C12orf42: variants seen among roughly 807,000 people sequenced by gnomAD.
The protein encoded by C12orf42 is uncharacterized protein C12orf42.
Under a neutral mutation model 21.6 loss-of-function variants are expected in C12orf42, and 25 were observed. The observed-to-expected ratio is 1.16, with a 90% CI of 0.84 to 1.62. The LOEUF is 1.62. Ranked by LOEUF, C12orf42 falls within the 40% of genes most tolerant of loss-of-function variation. C12orf42 has a pLI of 0.00. For synonymous variants in C12orf42, 174 were observed against 175.0 expected (o/e 0.99, Z 0.05); for missense variants, 483 against 459.3 (o/e 1.05, Z -0.47).
the C12orf42 span, among the ~76,000 whole-genome samples, chr12:103,536,557 A>G: frequency 9.0e-3 from 1,371 of 152,314 alleles, 22 homozygotes; most frequent in African/African-American, 0.031. Context: ...GGAGTAAGAC[A>G]TTGGCAAGAA....
intron 4 of C12orf42, among the ~76,000 whole-genome samples, chr12:103,288,346 C>T (rs1308923501): frequency 6.6e-6 from 1 of 152,060 alleles, no homozygotes; most frequent in African/African-American, 2.4e-5. Context: ...TGTGTAGAGT[C>T]TGAGTAAAAC....
intron 3 of C12orf42, among the ~76,000 whole-genome samples, chr12:103,391,233 A>G (rs2047053298): frequency 6.6e-6 from 1 of 152,090 alleles, no homozygotes; most frequent in Admixed American, 6.6e-5. Flanking sequence ...ATTGTGAATA[A>G]TGCTGCTATG....
intron 2 of C12orf42, among the ~76,000 whole-genome samples, chr12:103,435,070 C>A (rs1422588742): frequency 6.6e-6 from 1 of 152,186 alleles, no homozygotes; most frequent in Admixed American, 6.5e-5. Flanking sequence ...AGGCAGACTG[C>A]CTCCTCAAGT....
At chr12:103,123,476 C>G in the C12orf42 span, among the ~76,000 whole-genome samples, 1 of 152,054 alleles carries the variant, frequency 6.6e-6, no homozygotes, top group Non-Finnish European at 1.5e-5. Flanking sequence ...AAAACATGAC[C>G]TGAGAAAGTA....
intron 4 of C12orf42, among the ~76,000 whole-genome samples, chr12:103,325,895 A>C (rs755439624): frequency 6.6e-6 from 1 of 152,162 alleles, no homozygotes; most frequent in Non-Finnish European, 1.5e-5. Flanking sequence ...GACAACTTAA[A>C]GCATGGAGAA....
chr12:103,085,426 C>G, the C12orf42 span, among the ~76,000 whole-genome samples: 1 of 152,076 alleles, frequency 6.6e-6, no homozygotes, highest in Non-Finnish European at 1.5e-5. Context: ...ATCTAACTCA[C>G]TTTTCTCTCC....
At chr12:103,404,073 G>A (rs1250057018) in intron 2 of C12orf42, among the ~76,000 whole-genome samples, 1 of 152,172 alleles carries the variant, frequency 6.6e-6, no homozygotes, top group Non-Finnish European at 1.5e-5. Flanking sequence ...AGACTTTATG[G>A]TAGCCAATAG....
At chr12:103,386,369 C>A (rs1347453754) in intron 3 of C12orf42, among the ~76,000 whole-genome samples, 1 of 147,056 alleles carries the variant, frequency 6.8e-6, no homozygotes, top group Admixed American at 6.7e-5. Flanking sequence ...AACCTCTACT[C>A]CGGAACTGAA....
the C12orf42 span, among the ~76,000 whole-genome samples, chr12:103,544,075 T>A: frequency 2.0e-5 from 3 of 151,828 alleles, no homozygotes; most frequent in East Asian, 1.9e-4. Flanking sequence ...GTTTTTATAT[T>A]TTTTTTAGTA....
At chr12:103,360,813 T>C (rs1242801869) in intron 4 of C12orf42, among the ~76,000 whole-genome samples, 1 of 152,140 alleles carries the variant, frequency 6.6e-6, no homozygotes. Flanking sequence ...ATTCATATGA[T>C]TTTATTGGGC....
chr12:103,353,576 C>G (rs186423853), intron 4 of C12orf42, among the ~76,000 whole-genome samples: 92 of 152,176 alleles, frequency 6.0e-4, no homozygotes, highest in African/African-American at 2.1e-3. Context: ...TGACAATTGT[C>G]TTTCTCCCCC....
At chr12:103,156,083 C>T in the C12orf42 span, 1 of 151,760 alleles carries the variant, frequency 6.6e-6, no homozygotes, top group Non-Finnish European at 1.5e-5. Context: ...AATTTATATT[C>T]TGTATTTATT....
chr12:103,175,464 G>A, the C12orf42 span, among the ~76,000 whole-genome samples: 1 of 152,162 alleles, frequency 6.6e-6, no homozygotes, highest in Non-Finnish European at 1.5e-5. Flanking sequence ...CGAGCTAGAA[G>A]TTTTAAAATG....
chr12:103,090,803 A>G, the C12orf42 span, among the ~76,000 whole-genome samples: 3 of 152,186 alleles, frequency 2.0e-5, no homozygotes. Flanking sequence ...TTTCACATTA[A>G]GAAAAGCAGA....
the C12orf42 span, among the ~76,000 whole-genome samples, chr12:103,531,881 T>G: frequency 2.6e-5 from 4 of 152,214 alleles, no homozygotes; most frequent in Non-Finnish European, 4.4e-5. Context: ...AAAACTGCAT[T>G]ATGAAGCATT....
chr12:103,347,211 C>A (rs570478648), intron 4 of C12orf42, among the ~76,000 whole-genome samples: 6 of 152,116 alleles, frequency 3.9e-5, no homozygotes, highest in African/African-American at 1.4e-4. Flanking sequence ...CCTAGCCCCC[C>A]ACCCCCTGAC....
At chr12:103,075,839 A>C in the C12orf42 span, among the ~76,000 whole-genome samples, 1 of 152,056 alleles carries the variant, frequency 6.6e-6, no homozygotes, top group African/African-American at 2.4e-5. Context: ...AATTATTAAG[A>C]CTCTATACAT....
chr12:103,208,794 T>G, the C12orf42 span, among the ~76,000 whole-genome samples: 26 of 152,316 alleles, frequency 1.7e-4, no homozygotes, highest in East Asian at 4.4e-3. Context: ...TTGCTCAGTT[T>G]GCTCTCACTC....
intron 3 of C12orf42, among the ~76,000 whole-genome samples, chr12:103,392,785 C>G (rs2047181604): frequency 6.6e-6 from 1 of 152,174 alleles, no homozygotes; most frequent in African/African-American, 2.4e-5. Context: ...CAGCCAGACT[C>G]ATGAACTAGT....
Sources: allele counts gnomAD v4.1 joint callset (sites outside exome capture counted in the v4.1 genomes callset), GRCh38; gene constraint gnomAD v4.1.1; transcripts MANE v1.5; gene names NCBI Gene and HGNC (gene_info 2026-07-23, HGNC 2026-07-21).